CEP135: variants seen among roughly 807,000 people sequenced by gnomAD.
CEP135 encodes the protein centrosomal protein 135.
Under a neutral mutation model 157.3 loss-of-function variants are expected in CEP135, and 142 were observed. The observed-to-expected ratio is 0.90, with a 90% confidence interval of 0.79 to 1.04. The LOEUF is 1.04. Among genes scored for constraint, CEP135 ranks in the 50% least tolerant of loss-of-function variants. The probability of loss-of-function intolerance (pLI) is 0.00; values close to 1 mark genes in which losing one functional copy is unlikely to be tolerated. For missense variants in CEP135, 1,317 were observed against 1,309.2 expected, an observed-to-expected ratio of 1.01 and a Z score of -0.09; for synonymous variants, 396 against 439.8, an observed-to-expected ratio of 0.90 and a Z score of 1.25.
intron 3 of CEP135, 55 bp from the exon 4 acceptor site, chr4:55,954,161 A>T: frequency 6.8e-7 from 1 of 1,462,734 alleles, no homozygotes; most frequent in Non-Finnish European, 9.1e-7. Flanking sequence ...AAATGGAAAA[A>T]CTTCATTGGA....
intron 10 of CEP135, among the ~76,000 whole-genome samples, chr4:55,972,471 C>T (rs1235558692): frequency 1.3e-5 from 2 of 152,124 alleles, no homozygotes; most frequent in Admixed American, 6.5e-5. Flanking sequence ...GGAAATGGCA[C>T]GTGCAGAAAC....
chr4:56,017,586 T>C, intron 21 of CEP135, 62 bp from the exon 22 acceptor site: 3 of 1,395,376 alleles, frequency 2.1e-6, no homozygotes, highest in Non-Finnish European at 2.9e-6. Flanking sequence ...GCTGTACAAA[T>C]TCAAGTTCTT....
At chr4:55,961,764 TAA>T (rs564116620) in intron 6 of CEP135, among the ~76,000 whole-genome samples, 1,490 of 54,062 alleles carry the variant, frequency 0.028, 47 homozygotes, top group African/African-American at 0.1. Context: ...AAACTCTGTC[TAA>T]AAAAAAAAAA....
chr4:55,997,191 A>G (rs1039238757), intron 15 of CEP135, among the ~76,000 whole-genome samples: 1 of 152,180 alleles, frequency 6.6e-6, no homozygotes, highest in African/African-American at 2.4e-5. Context: ...TTACACCTCA[A>G]CTGTTTCGTT....
chr4:56,011,386 AT>A (rs1266112994), intron 19 of CEP135, 25 bp from the exon 20 acceptor site: 3 of 1,433,970 alleles, frequency 2.1e-6, no homozygotes, highest in African/African-American at 2.9e-5. Context: ...TTCATTTTAG[AT>A]TGTCTTTAAT....
chr4:56,012,276 G>A (rs1577908146), intron 21 of CEP135, among the ~76,000 whole-genome samples: 2 of 151,994 alleles, frequency 1.3e-5, no homozygotes, highest in Non-Finnish European at 2.9e-5. Flanking sequence ...GGCTGCTCTC[G>A]AACTCCTGAC....
rs541951922 is a variant in CEP135 at position 56,017,959 on chromosome 4, G to A, written c.3012+102G>A. On this transcript the variant is annotated intron_variant, in intron 22 of 25. Coordinates refer to ENST00000257287, the MANE Select transcript of CEP135 (RefSeq NM_025009.5). Reference sequence around the variant, plus strand: ...CCATGCATATACTTGTTTCCTTTTAGAGTAGTTACTTTTTTTTTTGTGATG... The same window carrying A: ...CCATGCATATACTTGTTTCCTTTTAAAGTAGTTACTTTTTTTTTTGTGATG... 6.6e-5 allele frequency: 68 copies of A among 1,023,232 alleles called. No homozygotes were observed. The African/African-American group carries it at 9.8e-4, about 15-fold the overall frequency. The allele number at this position is 1,023,232 out of a possible 1,614,324, so 63.4% of individuals were successfully genotyped here.
At chr4:56,030,819 A>G (rs1027960227) in intron 25 of CEP135, among the ~76,000 whole-genome samples, 1 of 152,172 alleles carries the variant, frequency 6.6e-6, no homozygotes. Context: ...ACAGAGATAT[A>G]TAAATAAGGA....
intron 6 of CEP135, among the ~76,000 whole-genome samples, chr4:55,963,756 A>G (rs1188806954): frequency 6.6e-6 from 1 of 152,194 alleles, no homozygotes; most frequent in Non-Finnish European, 1.5e-5. Flanking sequence ...AAAAAGAAAA[A>G]GAAAAAGCCA....
At chr4:55,952,757 C>T (rs987207795) in intron 2 of CEP135, among the ~76,000 whole-genome samples, 4 of 152,226 alleles carry the variant, frequency 2.6e-5, no homozygotes, top group Non-Finnish European at 5.9e-5. Context: ...GGCTACAAAC[C>T]TGTATAGCAT....
chr4:56,001,928 A>T (rs1730188175), intron 17 of CEP135, among the ~76,000 whole-genome samples: 3 of 151,498 alleles, frequency 2.0e-5, no homozygotes, highest in Admixed American at 2.0e-4. Flanking sequence ...TTCTTTCATC[A>T]GTGTTTTGTA....
At chr4:55,999,926 A>C (rs1730106664) in intron 17 of CEP135, among the ~76,000 whole-genome samples, 1 of 152,224 alleles carries the variant, frequency 6.6e-6, no homozygotes. Flanking sequence ...GTGGTGGCTC[A>C]CACCTGCAAT....
intron 10 of CEP135, 94 bp downstream of exon 10, chr4:55,971,502 A>G (rs1729027311): frequency 8.1e-7 from 1 of 1,232,564 alleles, no homozygotes; most frequent in Non-Finnish European, 1.1e-6. Flanking sequence ...CATTCATTCA[A>G]TAAATATTTG....
chr4:55,999,358 TA>T lies in CEP135; in HGVS notation c.2071del (p.Arg691GlufsTer18), dbSNP rs779870877. 2.3e-5 allele frequency: 37 copies of T among 1,614,150 alleles called. No individual in the cohort carries two copies. The highest frequency in any genetic ancestry group is 3.0e-5 in the Non-Finnish European group (35 of 1,180,018). On this transcript the variant is annotated frameshift_variant, in exon 16 of 26. Coordinates refer to ENST00000257287, the MANE Select transcript of CEP135 (RefSeq NM_025009.5). LOFTEE classifies it high-confidence loss of function. The stretch of plus-strand genomic sequence containing the variant: ...GATGACTATCAGCACCGACTTTCCA[TA>T]AAAAGAGGTGAACTTGAATCAGCCC... ...SVDDYQHRLS[I>X]KRGELESAQA...
At chr4:55,989,045 T>C (rs1261183744) in intron 14 of CEP135, among the ~76,000 whole-genome samples, 1 of 151,596 alleles carries the variant, frequency 6.6e-6, no homozygotes, top group Non-Finnish European at 1.5e-5. Context: ...CCCACAAATG[T>C]AAGAATTTGA....
At chr4:55,953,336 A>G (rs1728416865) in intron 3 of CEP135, 61 bp downstream of exon 3, 2 of 1,223,402 alleles carry the variant, frequency 1.6e-6, no homozygotes, top group Non-Finnish European at 2.2e-6. Context: ...TTTTAGAAGG[A>G]AAAGCTAACG....
At chr4:55,976,987 G>GT (rs1417967789) in intron 11 of CEP135, among the ~76,000 whole-genome samples, 387 of 146,978 alleles carry the variant, frequency 2.6e-3, no homozygotes, top group African/African-American at 9.2e-3. Flanking sequence ...TTTTTTTTTT[G>GT]TTTTTTGTAT....
Position 55,965,757 on chromosome 4 carries a change from ACT to A in CEP135, c.945_946del (p.Cys316ProfsTer5). ...TTAATTTAAGTAACAAAAATGAAAA[ACT>A]CTGCCAAGAATTAACTGAAATAGAT... ...VVNLSNKNEK[L>X]CQELTEIDQL... On this transcript the variant is annotated frameshift_variant, in exon 8 of 26. Transcript: ENST00000257287. LOFTEE classifies it high-confidence loss of function. 6.2e-7 allele frequency: 1 copy of A among 1,613,842 alleles called. No individual in the cohort carries two copies. The highest frequency in any genetic ancestry group is 8.5e-7 in the Non-Finnish European group (1 of 1,179,878).
At chr4:55,984,892 C>T (rs922317192) in intron 13 of CEP135, among the ~76,000 whole-genome samples, 7 of 152,158 alleles carry the variant, frequency 4.6e-5, no homozygotes, top group Non-Finnish European at 8.8e-5. Context: ...CTGATCTTGT[C>T]TTCCTTTGCA....
Sources: allele counts gnomAD v4.1 joint callset (sites outside exome capture counted in the v4.1 genomes callset), GRCh38; gene constraint gnomAD v4.1.1; transcripts MANE v1.5; gene names NCBI Gene and HGNC (gene_info 2026-07-23, HGNC 2026-07-21).